KCNB2: variants seen among roughly 807,000 people sequenced by gnomAD.
KCNB2 encodes the protein delayed rectifier potassium channel protein.
KCNB2 carries 15 observed loss-of-function variants against 61.5 expected under a neutral mutation model. The ratio of observed to expected loss-of-function variants is 0.24; its 90% CI spans 0.16 to 0.38. The LOEUF (loss-of-function observed/expected upper bound fraction) is 0.38, where lower values mean the gene tolerates loss of function less well. Among genes scored for constraint, KCNB2 ranks in the 10% least tolerant of loss-of-function variants. The probability of loss-of-function intolerance (pLI) is 1.00; values close to 1 mark genes in which losing one functional copy is unlikely to be tolerated. For missense variants in KCNB2, 828 were observed against 1,125.2 expected (o/e 0.74, Z 3.78); for synonymous variants, 457 against 446.0 (o/e 1.02, Z -0.31).
intron 2 of KCNB2, among the ~76,000 whole-genome samples, chr8:72,806,268 G>A (rs1193166702): frequency 1.3e-5 from 2 of 150,410 alleles, no homozygotes; most frequent in Non-Finnish European, 2.9e-5. Context: ...TGAGGCAGGA[G>A]AATCACTGGA....
chr8:72,807,071 A>G (rs1809236804), intron 2 of KCNB2, among the ~76,000 whole-genome samples: 1 of 152,200 alleles, frequency 6.6e-6, no homozygotes, highest in Non-Finnish European at 1.5e-5. Flanking sequence ...GGTTTCCTAG[A>G]GAGGGTGCAG....
Position 72,937,905 on chromosome 8 carries a change from T to C in KCNB2, c.2550T>C (p.Ser850=), listed in dbSNP as rs1396872380. The stretch of plus-strand genomic sequence containing the variant: ...GAGACCCTTTAAGAGAAGAGGGCAG[T>C]GTGGGCTCTTCCTCCCCGCAGGACA... The part of the protein sequence containing the change: ...DGRDPLREEG[S]VGSSSPQDTG... The change falls in exon 3 of 3, where the codon AGT becomes AGC. Residue 850 remains serine (S), a synonymous_variant. Coordinates refer to ENST00000523207, the MANE Select transcript of KCNB2 (RefSeq NM_004770.3). 3 of 1,614,092 alleles carry C rather than the reference T, an allele frequency of 1.9e-6. No homozygotes were observed. The highest frequency in any genetic ancestry group is 1.7e-5 in the Admixed American group (1 of 60,002).
chr8:72,889,257 A>G (rs1447318313), intron 2 of KCNB2, among the ~76,000 whole-genome samples: 2 of 152,184 alleles, frequency 1.3e-5, no homozygotes, highest in Non-Finnish European at 2.9e-5. Flanking sequence ...CTAAAAAGAC[A>G]TACTTACTGA....
At chr8:72,592,575 A>T (rs7821728) in intron 2 of KCNB2, among the ~76,000 whole-genome samples, 40,781 of 151,984 alleles carry the variant, frequency 0.27, 6,661 homozygotes, top group East Asian at 0.49. Context: ...GCCACATGAT[A>T]TACATTGGCT....
At chr8:72,897,791 G>A (rs1806016904) in intron 2 of KCNB2, among the ~76,000 whole-genome samples, 1 of 152,136 alleles carries the variant, frequency 6.6e-6, no homozygotes, top group South Asian at 2.1e-4. Context: ...CTAAATGTGG[G>A]AAATCAATAT....
chr8:72,723,746 C>T (rs574257456), intron 2 of KCNB2, among the ~76,000 whole-genome samples: 1 of 152,246 alleles, frequency 6.6e-6, no homozygotes, highest in East Asian at 1.9e-4. Flanking sequence ...CTAATCCAAA[C>T]CTGTTGGACA....
At chr8:72,547,967 C>G (rs1420894566) in intron 1 of KCNB2, among the ~76,000 whole-genome samples, 1 of 152,034 alleles carries the variant, frequency 6.6e-6, no homozygotes, top group Non-Finnish European at 1.5e-5. Context: ...ATTGCCACAG[C>G]CACCCAAATC....
chr8:72,567,616 A>G (rs983939080), intron 1 of KCNB2, 26 bp from the exon 2 acceptor site: 3 of 682,880 alleles, frequency 4.4e-6, no homozygotes, highest in Non-Finnish European at 7.5e-6. Flanking sequence ...AATGCAAGTA[A>G]CCAAGTGATT....
At chr8:72,788,243 G>A (rs1263975210) in intron 2 of KCNB2, among the ~76,000 whole-genome samples, 1 of 152,120 alleles carries the variant, frequency 6.6e-6, no homozygotes, top group Non-Finnish European at 1.5e-5. Flanking sequence ...TTAAACAACA[G>A]AAGCTAATTT....
chr8:72,803,141 C>T (rs532580316), intron 2 of KCNB2, among the ~76,000 whole-genome samples: 6 of 152,196 alleles, frequency 3.9e-5, no homozygotes, highest in South Asian at 4.2e-4. Context: ...CTTCACGTTG[C>T]GGGGTGTATA....
chr8:72,780,521 A>G (rs896889368), intron 2 of KCNB2, among the ~76,000 whole-genome samples: 2 of 152,186 alleles, frequency 1.3e-5, no homozygotes, highest in African/African-American at 4.8e-5. Flanking sequence ...CAAATCATTA[A>G]CAAATTCTTA....
intron 2 of KCNB2, among the ~76,000 whole-genome samples, chr8:72,683,017 A>C (rs1018354526): frequency 6.6e-6 from 1 of 152,230 alleles, no homozygotes; most frequent in African/African-American, 2.4e-5. Flanking sequence ...TTTATCGTGT[A>C]TCTATATAAT....
rs139411775 is a variant in KCNB2 at position 72,702,271 on chromosome 8, C to A, written c.579+133958C>A. 2.7e-3 allele frequency among the ~76,000 whole-genome samples: 414 copies of A among 152,128 alleles called. 3 individuals carry two copies. Among genetic ancestry groups the A allele is most frequent in the African/African-American group, 9.5e-3 (394 of 41,506 alleles). On this transcript the variant is annotated intron_variant, in intron 2 of 2. Coordinates refer to ENST00000523207, the MANE Select transcript of KCNB2 (RefSeq NM_004770.3). Reference sequence around the variant, plus strand: ...CGCTCAGCATTGCTCTCATTTCCAGCGAACTCAGTTTCTTCCCTACCCTCC... The same window carrying A: ...CGCTCAGCATTGCTCTCATTTCCAGAGAACTCAGTTTCTTCCCTACCCTCC...
At chr8:72,571,752 A>G (rs1806714229) in intron 2 of KCNB2, among the ~76,000 whole-genome samples, 1 of 152,168 alleles carries the variant, frequency 6.6e-6, no homozygotes, top group Admixed American at 6.5e-5. Flanking sequence ...CTGGGTTACC[A>G]TGACAGGAAT....
intron 2 of KCNB2, among the ~76,000 whole-genome samples, chr8:72,617,912 G>A (rs764576346): frequency 1.8e-4 from 28 of 152,130 alleles, no homozygotes; most frequent in Non-Finnish European, 2.1e-4. Context: ...TCTAAGCGGC[G>A]TCTGAAGCTC....
intron 2 of KCNB2, among the ~76,000 whole-genome samples, chr8:72,629,689 G>T (rs1805848403): frequency 6.6e-6 from 1 of 152,162 alleles, no homozygotes. Context: ...TTGGAGTGCT[G>T]TCACTAGAAG....
intron 2 of KCNB2, among the ~76,000 whole-genome samples, chr8:72,859,709 T>TTC (rs1810266494): frequency 1.9e-5 from 1 of 53,466 alleles, no homozygotes; most frequent in Non-Finnish European, 5.9e-5. Flanking sequence ...TTCATTTCGT[T>TTC]TTTTTTTTTT....
At chr8:72,822,677 A>T (rs960214800) in intron 2 of KCNB2, among the ~76,000 whole-genome samples, 1 of 152,140 alleles carries the variant, frequency 6.6e-6, no homozygotes, top group Non-Finnish European at 1.5e-5. Flanking sequence ...AAATCAGCTT[A>T]CCTCACTCCC....
At chr8:72,539,973 G>A (rs879195910) in intron 1 of KCNB2, among the ~76,000 whole-genome samples, 2 of 152,068 alleles carry the variant, frequency 1.3e-5, no homozygotes, top group Admixed American at 6.5e-5. Context: ...ATATGGTTTC[G>A]GTCACGTTTC....
Sources: gnomAD v4.1 joint callset for allele counts (sites outside exome capture counted in the v4.1 genomes callset) on GRCh38, gnomAD v4.1.1 for gene constraint, MANE v1.5 for transcripts, NCBI Gene and HGNC (gene_info 2026-07-23, HGNC 2026-07-21) for gene names.